The following ACACA variants were observed in gnomAD, a reference collection of about 807,000 sequenced individuals.
The protein encoded by ACACA is acetyl-CoA carboxylase alpha, also known as acetyl-CoA carboxylase 1.
A neutral mutation model predicts 296.1 loss-of-function variants in ACACA; 103 were observed. That is an observed-to-expected ratio of 0.35 (90% CI 0.30 to 0.41). The LOEUF is 0.41. ACACA is among the 10% of genes least tolerant of loss of function. ACACA has a pLI of 1.00. For missense variants in ACACA, 1,554 were observed against 2,989.7 expected, an observed-to-expected ratio of 0.52 and a Z score of 11.20; for synonymous variants, 953 against 1,038.6, an observed-to-expected ratio of 0.92 and a Z score of 1.58.
chr17:37,127,715 G>A (rs1247326085), intron 47 of ACACA, among the ~76,000 whole-genome samples: 1 of 151,900 alleles, frequency 6.6e-6, no homozygotes, highest in East Asian at 1.9e-4. Context: ...GTGGTGGCAT[G>A]CACCTTTAGT....
intron 1 of ACACA, among the ~76,000 whole-genome samples, chr17:37,365,135 T>C (rs962999017): frequency 2.0e-5 from 3 of 152,086 alleles, no homozygotes; most frequent in African/African-American, 4.8e-5. Flanking sequence ...ATTTTTGTAT[T>C]TCCGGCAGAG....
chr17:37,112,570 A>T (rs976031983), intron 51 of ACACA, among the ~76,000 whole-genome samples: 4 of 152,316 alleles, frequency 2.6e-5, no homozygotes, highest in African/African-American at 9.6e-5. Context: ...TTTAGGACTT[A>T]AAAAATAATA....
At chr17:37,307,428 T>G (rs942786773) in intron 3 of ACACA, among the ~76,000 whole-genome samples, 1 of 152,198 alleles carries the variant, frequency 6.6e-6, no homozygotes, top group Non-Finnish European at 1.5e-5. Flanking sequence ...GGTTGGGCTA[T>G]GTGTTTAACT....
chr17:37,251,518 C>T (rs1255171531), intron 16 of ACACA, among the ~76,000 whole-genome samples: 2 of 152,198 alleles, frequency 1.3e-5, no homozygotes, highest in African/African-American at 4.8e-5. Flanking sequence ...AAAGGCAGAG[C>T]TTAGTCTCCT....
chr17:37,216,354 G>A (rs1188677647), intron 29 of ACACA, among the ~76,000 whole-genome samples: 2 of 151,980 alleles, frequency 1.3e-5, no homozygotes, highest in African/African-American at 2.4e-5. Context: ...TGGATCCTCT[G>A]CTGAATAAGA....
chr17:37,375,021 C>A (rs565788807), intron 1 of ACACA, among the ~76,000 whole-genome samples: 5 of 151,788 alleles, frequency 3.3e-5, no homozygotes, highest in African/African-American at 7.3e-5. Context: ...CATGGTGAAA[C>A]CTGTCTCTAC....
chr17:37,199,867 T>C (rs1026666348), intron 35 of ACACA, among the ~76,000 whole-genome samples: 3 of 151,894 alleles, frequency 2.0e-5, no homozygotes, highest in African/African-American at 7.2e-5. Context: ...ACACTTGATA[T>C]AAGAATTAAA....
intron 48 of ACACA, among the ~76,000 whole-genome samples, chr17:37,124,783 G>A (rs11655018): frequency 0.22 from 33,040 of 152,034 alleles, 4,119 homozygotes; most frequent in Admixed American, 0.34. Flanking sequence ...TGTGGGATTT[G>A]CCCTCTGATG....
At chr17:37,098,436 G>A (rs535656751) in intron 52 of ACACA, among the ~76,000 whole-genome samples, 23 of 152,314 alleles carry the variant, frequency 1.5e-4, no homozygotes, top group African/African-American at 4.8e-4. Flanking sequence ...CCTAAACTCC[G>A]AGCACAAACT....
At chr17:37,253,125 C>T in intron 14 of ACACA, 89 bp from the exon 15 acceptor site, 4 of 1,572,974 alleles carry the variant, frequency 2.5e-6, no homozygotes, top group East Asian at 4.5e-5. Context: ...GGCATGGTGG[C>T]TCACGCCTGT....
intron 1 of ACACA, chr17:37,375,990 T>C: frequency 1.1e-6 from 1 of 925,624 alleles, no homozygotes; most frequent in Non-Finnish European, 1.7e-6. Context: ...AGGGTCAAAC[T>C]TGGTTCCAGC....
chr17:37,279,270 T>C (rs2082400367), intron 5 of ACACA, among the ~76,000 whole-genome samples: 1 of 152,180 alleles, frequency 6.6e-6, no homozygotes, highest in Admixed American at 6.5e-5. Flanking sequence ...TCTTTGATTA[T>C]AGGAAGGAAA....
At chr17:37,346,558 C>T (rs948571750) in intron 1 of ACACA, among the ~76,000 whole-genome samples, 15 of 151,442 alleles carry the variant, frequency 9.9e-5, no homozygotes, top group South Asian at 2.1e-4. Flanking sequence ...AAAAATTAGC[C>T]GGGCGTGGTG....
chr17:37,088,089 C>T (rs2072342795), intron 55 of ACACA, among the ~76,000 whole-genome samples: 2 of 152,164 alleles, frequency 1.3e-5, no homozygotes, highest in Non-Finnish European at 2.9e-5. Context: ...AGATGTGGTG[C>T]CCTGTGAAGG....
chr17:37,400,637 C>T (rs1002652000), intron 1 of ACACA, among the ~76,000 whole-genome samples: 2 of 152,074 alleles, frequency 1.3e-5, no homozygotes, highest in African/African-American at 4.8e-5. Flanking sequence ...CTGTGCCTGG[C>T]TTATTTCACT....
chr17:37,094,581 C>CG (rs927021050), intron 54 of ACACA, among the ~76,000 whole-genome samples: 2 of 148,238 alleles, frequency 1.3e-5, no homozygotes, highest in Non-Finnish European at 3.0e-5. Flanking sequence ...CACCCCCCCC[C>CG]CCCCACACCA....
chr17:37,336,982 TGTG>T (rs2048148644), intron 2 of ACACA, among the ~76,000 whole-genome samples: 1 of 152,152 alleles, frequency 6.6e-6, no homozygotes, highest in African/African-American at 2.4e-5. Flanking sequence ...GCTAGAGTAG[TGTG>T]GTTCTCAAAG....
chr17:37,222,647 A>C (rs921138688), intron 28 of ACACA, among the ~76,000 whole-genome samples: 1 of 152,154 alleles, frequency 6.6e-6, no homozygotes. Flanking sequence ...ACACTACAAA[A>C]CACTTAAATG....
In ACACA at chr17:37,129,383, C is replaced by T. The variant is rs1213108729; in HGVS notation, c.5926G>A (p.Ala1976Thr). Residue 1976 changes from alanine to threonine, a missense_variant, in exon 47 of 56, where the codon GCA becomes ACA. Ala to Thr is a moderately conservative substitution (Grantham distance 58). Around this residue, in one of 16 missense-constraint regions of ACACA, gnomAD observed 553 missense variants for 1,043.6 expected, o/e 0.53. Coordinates refer to ENST00000616317, the MANE Select transcript of ACACA (RefSeq NM_198834.3). ...KTPYDPRWML[A>T]GRPHPTQKGQ... The stretch of plus-strand genomic sequence containing the variant: ...TACATACTTGGGTGAGGACGGCCTG[C>T]TAGCATCCATCGAGGATCGTATGGG... 1 of 1,614,040 alleles carries T rather than the reference C, an allele frequency of 6.2e-7. No homozygotes were observed.
Sources: allele counts gnomAD v4.1 joint callset (sites outside exome capture counted in the v4.1 genomes callset), GRCh38; gene constraint gnomAD v4.1.1; regional missense constraint gnomAD v4.1.1; transcripts MANE v1.5; gene names NCBI Gene and HGNC (gene_info 2026-07-23, HGNC 2026-07-21).